NWD2: variants seen among roughly 807,000 people sequenced by gnomAD.
The protein encoded by NWD2 is NACHT and WD repeat domain containing 2, also known as NACHT and WD repeat domain-containing protein 2.
In NWD2, 37 loss-of-function variants were observed where a neutral mutation model predicts 132.7. That is an observed-to-expected ratio of 0.28 (90% CI 0.21 to 0.37). The LOEUF (loss-of-function observed/expected upper bound fraction) is 0.37, where lower values mean the gene tolerates loss of function less well. NWD2 is among the 10% of genes least tolerant of loss of function. The pLI, the probability that NWD2 is intolerant of heterozygous loss-of-function variation, is 1.00. For synonymous variants in NWD2, 705 were observed against 803.0 expected (o/e 0.88, Z 2.06); for missense variants, 1,592 against 2,122.4 (o/e 0.75, Z 4.91).
At chr4:37,400,172 C>A (rs1720872974) in intron 3 of NWD2, among the ~76,000 whole-genome samples, 1 of 152,146 alleles carries the variant, frequency 6.6e-6, no homozygotes, top group Non-Finnish European at 1.5e-5. Context: ...GCCTTCCCAC[C>A]CATTCTAATA....
Position 37,349,084 on chromosome 4 carries a change from G to A in NWD2, c.241-7282G>A, listed in dbSNP as rs1560401096. Among the ~76,000 whole-genome samples the A allele has an allele frequency of 1.3e-5, 2 of 152,098 alleles. 1 individual carries two copies. Among genetic ancestry groups the A allele is most frequent in the South Asian group, 4.2e-4 (2 of 4,806 alleles). ...CATTTTCTTTATCCAGTCTATCACT[G>A]ATGGGCATTCGGGTTGGTTCCAAGT... is the stretch of plus-strand genomic sequence containing the variant. On this transcript the variant is annotated intron_variant, in intron 2 of 6. Transcript: ENST00000309447.
At chr4:37,297,414 T>C (rs180763935) in intron 1 of NWD2, among the ~76,000 whole-genome samples, 38 of 152,326 alleles carry the variant, frequency 2.5e-4, no homozygotes, top group African/African-American at 6.7e-4. Context: ...AACCTGCCGA[T>C]ATGGAAGACT....
chr4:37,281,190 A>G (rs377336451), intron 1 of NWD2, among the ~76,000 whole-genome samples: 1 of 152,142 alleles, frequency 6.6e-6, no homozygotes, highest in East Asian at 1.9e-4. Context: ...ATACATGTCA[A>G]TTGCAGGACT....
chr4:37,389,310 T>C (rs1720635502), intron 3 of NWD2, among the ~76,000 whole-genome samples: 1 of 152,212 alleles, frequency 6.6e-6, no homozygotes, highest in Non-Finnish European at 1.5e-5. Flanking sequence ...GAAGCCTGGA[T>C]TCATGGGGAA....
intron 2 of NWD2, among the ~76,000 whole-genome samples, chr4:37,340,840 A>T (rs541688905): frequency 1.3e-5 from 2 of 152,356 alleles, no homozygotes. Context: ...AGTCTAGGAG[A>T]TCAATCTTAC....
chr4:37,386,731 C>T (rs1720571405), intron 3 of NWD2, among the ~76,000 whole-genome samples: 1 of 152,074 alleles, frequency 6.6e-6, no homozygotes, highest in Admixed American at 6.6e-5. Context: ...ATGTGATCAC[C>T]AATATTGAAG....
At chr4:37,304,075 T>A (rs1373544665) in intron 1 of NWD2, among the ~76,000 whole-genome samples, 1 of 152,168 alleles carries the variant, frequency 6.6e-6, no homozygotes, top group East Asian at 1.9e-4. Context: ...AAGTTTTAAG[T>A]GGTTCACAGT....
At chr4:37,387,706 G>T (rs1232963691) in intron 3 of NWD2, among the ~76,000 whole-genome samples, 3 of 122,108 alleles carry the variant, frequency 2.5e-5, no homozygotes, top group Non-Finnish European at 4.8e-5. Flanking sequence ...ACAGAGTCTC[G>T]CTCTGTCACC....
intron 1 of NWD2, among the ~76,000 whole-genome samples, chr4:37,273,574 A>G (rs1291524702): frequency 3.3e-5 from 5 of 152,156 alleles, no homozygotes; most frequent in Non-Finnish European, 7.4e-5. Flanking sequence ...CTCTGCACCA[A>G]GCAGACCTAA....
chr4:37,419,352 T>A (rs370907850), intron 3 of NWD2, among the ~76,000 whole-genome samples: 1 of 152,186 alleles, frequency 6.6e-6, no homozygotes, highest in African/African-American at 2.4e-5. Context: ...AAAGACCTCA[T>A]GTCTAAAGAA....
At chr4:37,412,600 T>C (rs12499328) in intron 3 of NWD2, among the ~76,000 whole-genome samples, 84,288 of 151,980 alleles carry the variant, frequency 0.55, 24,401 homozygotes, top group East Asian at 0.76. Flanking sequence ...CAAGCTACCA[T>C]GGACTTTCTT....
intron 2 of NWD2, among the ~76,000 whole-genome samples, chr4:37,336,205 C>T (rs1409072461): frequency 6.6e-6 from 1 of 151,754 alleles, no homozygotes; most frequent in Non-Finnish European, 1.5e-5. Flanking sequence ...TCTGGTTTTT[C>T]TTAGATATTC....
intron 3 of NWD2, among the ~76,000 whole-genome samples, chr4:37,393,614 A>C (rs1720722343): frequency 6.6e-6 from 1 of 152,184 alleles, no homozygotes; most frequent in African/African-American, 2.4e-5. Flanking sequence ...CCACTATTTT[A>C]ATCTTTCTTT....
At chr4:37,264,775 T>C (rs1425022789) in intron 1 of NWD2, among the ~76,000 whole-genome samples, 1 of 148,258 alleles carries the variant, frequency 6.7e-6, no homozygotes, top group African/African-American at 2.5e-5. Flanking sequence ...TCCATTTTAG[T>C]TGTAAAAAAA....
rs183577608 is a variant in NWD2, at chr4:37,276,211, G to A, written c.151+30993G>A. 2.3e-3 allele frequency among the ~76,000 whole-genome samples: 357 copies of A among 152,114 alleles called. 1 individual carries two copies. Among genetic ancestry groups the A allele is most frequent in the African/African-American group, 8.1e-3 (338 of 41,498 alleles). On this transcript the variant is annotated intron_variant, in intron 1 of 6. Transcript: ENST00000309447. ...TTGCAATCTACTCATCTGACAGAGG[G>A]CTAATATCCAGAATCTACAATGAAC...
chr4:37,391,007 T>A, intron 3 of NWD2, among the ~76,000 whole-genome samples: 1 of 152,236 alleles, frequency 6.6e-6, no homozygotes, highest in Non-Finnish European at 1.5e-5. Context: ...AATTAGATTC[T>A]GTGTCTCAAC....
At chr4:37,257,615 G>A (rs924918409) in intron 1 of NWD2, among the ~76,000 whole-genome samples, 2 of 152,064 alleles carry the variant, frequency 1.3e-5, no homozygotes, top group African/African-American at 4.8e-5. Context: ...ACAGTTTTAT[G>A]GAAATGAGAA....
chr4:37,368,202 G>A (rs1415641510), intron 3 of NWD2, among the ~76,000 whole-genome samples: 1 of 152,128 alleles, frequency 6.6e-6, no homozygotes, highest in Non-Finnish European at 1.5e-5. Flanking sequence ...TCCCTGGACT[G>A]AGAAACTCTA....
At chr4:37,407,373 G>A (rs1483892557) in intron 3 of NWD2, among the ~76,000 whole-genome samples, 1 of 152,158 alleles carries the variant, frequency 6.6e-6, no homozygotes, top group Non-Finnish European at 1.5e-5. Context: ...TACCCAAGGA[G>A]GAGATCTTGG....
Sources: gnomAD v4.1 joint callset for allele counts (sites outside exome capture counted in the v4.1 genomes callset) on GRCh38, gnomAD v4.1.1 for gene constraint, MANE v1.5 for transcripts, NCBI Gene and HGNC (gene_info 2026-07-23, HGNC 2026-07-21) for gene names.